EVI5: variants seen among roughly 807,000 people sequenced by gnomAD.
EVI5 encodes ecotropic viral integration site 5 protein homolog.
Under a neutral mutation model 112.0 loss-of-function variants are expected in EVI5, and 73 were observed. The observed-to-expected ratio is 0.65, with a 90% CI of 0.54 to 0.79. EVI5 has a LOEUF of 0.79. Ranked by LOEUF, EVI5 falls within the 30% of genes least tolerant of loss-of-function variation. EVI5 has a pLI of 0.00. For synonymous variants in EVI5, 305 were observed against 319.9 expected (o/e 0.95, Z 0.50); for missense variants, 900 against 968.8 (o/e 0.93, Z 0.94).
At chr1:92,744,067 G>C (rs980568179) in intron 1 of EVI5, among the ~76,000 whole-genome samples, 1 of 152,062 alleles carries the variant, frequency 6.6e-6, no homozygotes, top group African/African-American at 2.4e-5. Flanking sequence ...TTCAACTCAT[G>C]TGTTACTTAG....
chr1:92,651,705 G>A (rs1662122783), intron 13 of EVI5, among the ~76,000 whole-genome samples: 1 of 126,730 alleles, frequency 7.9e-6, no homozygotes, highest in Middle Eastern at 3.5e-3. Context: ...CAAAAAATTA[G>A]CCAGGCGTAG....
At chr1:92,540,972 C>A (rs1382553900) in intron 19 of EVI5, among the ~76,000 whole-genome samples, 2 of 152,020 alleles carry the variant, frequency 1.3e-5, no homozygotes, top group Non-Finnish European at 2.9e-5. Context: ...TACTTGGGAG[C>A]CTGAGGCAGG....
rs865790684 is a variant in EVI5 at position 92,631,053 on chromosome 1, A to G, written c.1528-5119T>C. ...CATTGATCTATATCTCTGTTTTGGT[A>G]CCAGTACCATGCTGTTTTGGTTACT... On this transcript the variant is annotated intron_variant, in intron 14 of 19. Coordinates refer to ENST00000684568, the MANE Select transcript of EVI5 (RefSeq NM_001350197.2). Among the ~76,000 whole-genome samples, 126 of 152,274 alleles carry G rather than the reference A, an allele frequency of 8.3e-4. 1 individual carries two copies. The highest frequency in any genetic ancestry group is 3.0e-3 in the African/African-American group (125 of 41,550).
intron 2 of EVI5, among the ~76,000 whole-genome samples, chr1:92,715,007 T>G (rs1673396413): frequency 6.6e-6 from 1 of 152,094 alleles, no homozygotes; most frequent in Non-Finnish European, 1.5e-5. Flanking sequence ...TTTAATGATT[T>G]TTTTTTCTTT....
chr1:92,627,192 T>C (rs912336430), intron 14 of EVI5, among the ~76,000 whole-genome samples: 1 of 152,158 alleles, frequency 6.6e-6, no homozygotes, highest in Admixed American at 6.5e-5. Flanking sequence ...GTCCTCAAAG[T>C]CCACTGAATT....
chr1:92,659,092 G>A (rs1385787467), intron 13 of EVI5, among the ~76,000 whole-genome samples: 1 of 151,324 alleles, frequency 6.6e-6, no homozygotes, highest in Non-Finnish European at 1.5e-5. Flanking sequence ...GGATTAAAGA[G>A]AAGGAAAAAA....
Position 92,641,924 on chromosome 1 carries a change from C to G in EVI5, c.1393-5588G>C, listed in dbSNP as rs377404374. The stretch of plus-strand genomic sequence containing the variant: ...GGAGGCTGAGGCGGGTGGATCACGA[C>G]GTCAGGAGATCAAGACCATCCTGGC... On this transcript the variant is annotated intron_variant, in intron 13 of 19. Transcript: ENST00000684568. Among the ~76,000 whole-genome samples, 25 of 152,066 alleles carry G rather than the reference C, an allele frequency of 1.6e-4. 1 individual carries two copies. The South Asian group carries it at 4.2e-3, about 25-fold the overall frequency.
intron 1 of EVI5, among the ~76,000 whole-genome samples, chr1:92,779,444 C>T (rs1286048770): frequency 6.6e-6 from 1 of 151,940 alleles, no homozygotes; most frequent in Non-Finnish European, 1.5e-5. Flanking sequence ...ATCGCTTGTA[C>T]CCGGAAGATG....
intron 18 of EVI5, among the ~76,000 whole-genome samples, chr1:92,601,586 GTGAAAT>G (rs11277820): frequency 0.92 from 139,823 of 151,772 alleles, 64,492 homozygotes; most frequent in East Asian, 0.97. Context: ...AGAACCTTAA[GTGAAAT>G]TGAAATAAGC....
At chr1:92,624,944 C>T (rs1352779516) in intron 15 of EVI5, among the ~76,000 whole-genome samples, 1 of 152,104 alleles carries the variant, frequency 6.6e-6, no homozygotes, top group Non-Finnish European at 1.5e-5. Flanking sequence ...GATTAAGTAA[C>T]TTTAGGAGGA....
rs1655184455 is a variant in EVI5 at position 92,624,323 on chromosome 1, A to AG, written c.1679dup (p.Arg561SerfsTer17). ...GGTCTTTCCATCTCCCAGTAGTACG[A>AG]GCTAAGTGGCGCTAAAGCATAAAAA... On this transcript the variant is annotated frameshift_variant, in exon 16 of 20. Transcript: ENST00000684568. LOFTEE classifies it high-confidence loss of function. The AG allele has an allele frequency of 6.2e-7, 1 of 1,613,306 alleles. No individual in the cohort carries two copies.
intron 9 of EVI5, among the ~76,000 whole-genome samples, chr1:92,684,253 T>C (rs1668110071): frequency 6.6e-6 from 1 of 152,206 alleles, no homozygotes; most frequent in South Asian, 2.1e-4. Context: ...ATATTCAACA[T>C]TCTTAAAGAA....
chr1:92,538,107 T>C (rs544851144), intron 19 of EVI5, among the ~76,000 whole-genome samples: 7 of 152,340 alleles, frequency 4.6e-5, no homozygotes, highest in South Asian at 2.1e-4. Flanking sequence ...TTAGTCTTTC[T>C]ACAGTGCATA....
At chr1:92,700,524 C>CAAAATATT (rs1011676155) in intron 5 of EVI5, among the ~76,000 whole-genome samples, 1 of 152,032 alleles carries the variant, frequency 6.6e-6, no homozygotes, top group Non-Finnish European at 1.5e-5. Flanking sequence ...GATCAATCAC[C>CAAAATATT]AAAATATTAT....
At chr1:92,718,023 A>C (rs943367654) in intron 2 of EVI5, among the ~76,000 whole-genome samples, 1 of 152,236 alleles carries the variant, frequency 6.6e-6, no homozygotes, top group African/African-American at 2.4e-5. Flanking sequence ...CACCCAATAC[A>C]GGAGCACCCA....
At chr1:92,701,312 G>A (rs1671117654) in intron 5 of EVI5, among the ~76,000 whole-genome samples, 1 of 152,164 alleles carries the variant, frequency 6.6e-6, no homozygotes, top group Non-Finnish European at 1.5e-5. Flanking sequence ...CAAACACCAT[G>A]CTAGGCTTCT....
In EVI5 at chr1:92,693,820, T is replaced by C; in HGVS notation, c.1079A>G (p.Asn360Ser). The change falls in exon 9 of 20, where the codon AAT becomes AGT. Residue 360 changes from asparagine (N) to serine (S), a missense_variant. By Grantham distance (46) the Asn-to-Ser change is conservative. Transcript: ENST00000684568. ...TACTTACTTTTTCATTTTTTTTGAATTGTATTTGACTTGGTAAGCTGCTTG... is the reference window on the plus strand; with the variant it reads ...TACTTACTTTTTCATTTTTTTTGAACTGTATTTGACTTGGTAAGCTGCTTG... ...LIQAAYQVKY[N>S]SKKMKKLEKE... is the part of the protein sequence containing the mutation. 1.9e-6 allele frequency: 3 copies of C among 1,587,258 alleles called. No individual in the cohort carries two copies. The highest frequency in any genetic ancestry group is 1.7e-6 in the Non-Finnish European group (2 of 1,158,892).
chr1:92,759,749 A>C (rs938088198), intron 1 of EVI5, among the ~76,000 whole-genome samples: 2 of 152,086 alleles, frequency 1.3e-5, no homozygotes, highest in South Asian at 2.1e-4. Flanking sequence ...TGTCTGGCTT[A>C]TTTTACTTAG....
At chr1:92,658,487 C>CA (rs1663407021) in intron 13 of EVI5, among the ~76,000 whole-genome samples, 1 of 151,982 alleles carries the variant, frequency 6.6e-6, no homozygotes, top group Non-Finnish European at 1.5e-5. Flanking sequence ...ACAACAGCTA[C>CA]AAAAAAATTT....
Sources: allele counts gnomAD v4.1 joint callset (sites outside exome capture counted in the v4.1 genomes callset), GRCh38; gene constraint gnomAD v4.1.1; transcripts MANE v1.5; gene names NCBI Gene and HGNC (gene_info 2026-07-23, HGNC 2026-07-21).